Variants in METTL15 observed in about 807,000 individuals in gnomAD.
METTL15 encodes 12S rRNA N(4)-cytidine methyltransferase METTL15.
Under a neutral mutation model 38.3 loss-of-function variants are expected in METTL15, and 34 were observed. That is an observed-to-expected ratio of 0.89 (90% CI 0.68 to 1.18). The LOEUF (loss-of-function observed/expected upper bound fraction) is 1.18. Among genes scored for constraint, METTL15 ranks in the 50% most tolerant of loss-of-function variants. The pLI is 0.00. For synonymous variants in METTL15, 162 were observed against 170.9 expected, an observed-to-expected ratio of 0.95 and a Z score of 0.41; for missense variants, 438 against 498.4, an observed-to-expected ratio of 0.88 and a Z score of 1.15.
chr11:28,373,495 T>C (rs1349138018), intron 5 of METTL15, among the ~76,000 whole-genome samples: 1 of 152,192 alleles, frequency 6.6e-6, no homozygotes, highest in African/African-American at 2.4e-5. Context: ...TTGTTTGAGT[T>C]CATTGTAGAT....
At chr11:28,476,500 A>G (rs1188317891) in intron 6 of METTL15, among the ~76,000 whole-genome samples, 1 of 152,186 alleles carries the variant, frequency 6.6e-6, no homozygotes, top group Non-Finnish European at 1.5e-5. Context: ...CTTGCAAGCC[A>G]ATTTCCATTG....
intron 5 of METTL15, among the ~76,000 whole-genome samples, chr11:28,400,532 A>G (rs960043565): frequency 2.0e-5 from 3 of 152,048 alleles, no homozygotes; most frequent in Admixed American, 6.6e-5. Flanking sequence ...ATAAATTGAG[A>G]AACAGTTTAA....
chr11:28,248,376 C>T (rs1252204516), intron 4 of METTL15, among the ~76,000 whole-genome samples: 2 of 152,034 alleles, frequency 1.3e-5, no homozygotes, highest in Non-Finnish European at 2.9e-5. Context: ...AATTGGTTTC[C>T]CATCTGTCTA....
At chr11:28,431,789 T>TAAAAAAAAAAAAAAAAAAA (rs1564929855) in intron 6 of METTL15, among the ~76,000 whole-genome samples, 4 of 9,942 alleles carry the variant, frequency 4.0e-4, no homozygotes, top group Admixed American at 1.7e-3. Context: ...AAAAATAAAT[T>TAAAAAAAAAAAAAAAAAAA]TAAAAAAAAA....
chr11:28,122,375 A>G (rs11500201), intron 3 of METTL15, among the ~76,000 whole-genome samples: 10,368 of 105,786 alleles, frequency 0.098, 588 homozygotes, highest in East Asian at 0.26. Flanking sequence ...GTGTGTGTAT[A>G]TATATATATA....
chr11:28,300,522 A>C (rs970102603), intron 6 of METTL15, among the ~76,000 whole-genome samples: 7 of 152,160 alleles, frequency 4.6e-5, no homozygotes, highest in East Asian at 1.9e-4. Flanking sequence ...CTTCCATATC[A>C]TGGGAATTCC....
chr11:28,290,437 C>T (rs758129512), intron 5 of METTL15, 40 bp downstream of exon 5: 1 of 1,552,766 alleles, frequency 6.4e-7, no homozygotes. Context: ...AACAAGAAAT[C>T]AATTTGTCAA....
intron 1 of METTL15, among the ~76,000 whole-genome samples, chr11:28,109,938 A>G (rs1851647071): frequency 6.6e-6 from 1 of 152,228 alleles, no homozygotes; most frequent in Non-Finnish European, 1.5e-5. Context: ...TGTAGTTTCT[A>G]AACATAGAGC....
intron 6 of METTL15, 52 bp downstream of exon 6, chr11:28,296,983 G>A (rs1856762752): frequency 6.3e-7 from 1 of 1,591,920 alleles, no homozygotes; most frequent in Non-Finnish European, 8.6e-7. Context: ...ATATTTACAT[G>A]TGTGCATGTG....
chr11:28,114,845 G>A (rs1218478313), intron 3 of METTL15, among the ~76,000 whole-genome samples: 1 of 152,178 alleles, frequency 6.6e-6, no homozygotes, highest in Non-Finnish European at 1.5e-5. Flanking sequence ...TTGAGGCTGT[G>A]ACAAACTGTT....
chr11:28,217,083 G>T (rs1288139301), intron 4 of METTL15, among the ~76,000 whole-genome samples: 4 of 152,064 alleles, frequency 2.6e-5, no homozygotes, highest in Non-Finnish European at 4.4e-5. Context: ...ACCCAGTAAT[G>T]GGCTGGCTGG....
intron 3 of METTL15, among the ~76,000 whole-genome samples, chr11:28,163,026 A>G (rs1488367326): frequency 6.6e-6 from 1 of 152,112 alleles, no homozygotes; most frequent in Non-Finnish European, 1.5e-5. Context: ...AGGGAAATCT[A>G]TCAGAAATAA....
At chr11:28,137,897 T>C (rs1849567540) in intron 3 of METTL15, among the ~76,000 whole-genome samples, 1 of 152,084 alleles carries the variant, frequency 6.6e-6, no homozygotes, top group Non-Finnish European at 1.5e-5. Context: ...TGTATGATTA[T>C]ACAGACACAG....
chr11:28,136,487 G>A (rs1003766635), intron 3 of METTL15, among the ~76,000 whole-genome samples: 3 of 151,998 alleles, frequency 2.0e-5, no homozygotes, highest in Admixed American at 6.6e-5. Flanking sequence ...TAAATTACCC[G>A]GTCTTGGGTA....
chr11:28,156,907 A>G (rs1000521634), intron 3 of METTL15, among the ~76,000 whole-genome samples: 4 of 152,218 alleles, frequency 2.6e-5, no homozygotes, highest in African/African-American at 9.6e-5. Flanking sequence ...ACAGCAAAAG[A>G]TTGCAAAAAC....
intron 3 of METTL15, among the ~76,000 whole-genome samples, chr11:28,343,094 A>G (rs571121674): frequency 3.3e-5 from 5 of 152,260 alleles, no homozygotes; most frequent in African/African-American, 1.2e-4. Flanking sequence ...TATTGTTTTC[A>G]TACAAACCCC....
At chr11:28,481,285 G>A (rs906807739) in intron 6 of METTL15, among the ~76,000 whole-genome samples, 1 of 152,138 alleles carries the variant, frequency 6.6e-6, no homozygotes, top group South Asian at 2.1e-4. Context: ...TTAACCCAGT[G>A]AAACCCATTT....
intron 4 of METTL15, among the ~76,000 whole-genome samples, chr11:28,360,057 A>G (rs1850123133): frequency 6.6e-6 from 1 of 152,166 alleles, no homozygotes; most frequent in Non-Finnish European, 1.5e-5. Context: ...GAAATCATAG[A>G]GCTGGAAGGG....
Position 28,113,457 on chromosome 11 carries a change from A to G in METTL15, c.123A>G (p.Arg41=), listed in dbSNP as rs182753576. 14 of 1,611,930 alleles carry G rather than the reference A, an allele frequency of 8.7e-6. No individual in the cohort carries two copies. The highest frequency in any genetic ancestry group is 1.2e-5 in the Non-Finnish European group (14 of 1,179,624). The stretch of plus-strand genomic sequence containing the variant: ...TACATACTACAGCAGAAAAATATAG[A>G]GAATATGAAGCCCGGGAGCAAACAG... ...NRIHTTAEKY[R]EYEAREQTDQ... The change falls in exon 3 of 7, where the codon AGA becomes AGG. Residue 41 remains arginine, a synonymous_variant. Coordinates refer to ENST00000407364, the MANE Select transcript of METTL15 (RefSeq NM_001113528.2).
Sources: allele counts gnomAD v4.1 joint callset (sites outside exome capture counted in the v4.1 genomes callset), GRCh38; gene constraint gnomAD v4.1.1; transcripts MANE v1.5; gene names NCBI Gene and HGNC (gene_info 2026-07-23, HGNC 2026-07-21).